The following CFAP69 variants were observed in gnomAD, a reference collection of about 807,000 sequenced individuals.
The protein encoded by CFAP69 is cilia and flagella associated protein 69, also known as cilia- and flagella-associated protein 69.
In CFAP69, 92 loss-of-function variants were observed where a neutral mutation model predicts 123.0. That is an observed-to-expected ratio of 0.75 (90% CI 0.63 to 0.89). CFAP69 has a LOEUF of 0.89. CFAP69 is among the 40% of genes least tolerant of loss of function. The pLI is 0.00. For synonymous variants in CFAP69, 380 were observed against 364.3 expected, an observed-to-expected ratio of 1.04 and a Z score of -0.49; for missense variants, 1,067 against 1,096.9, an observed-to-expected ratio of 0.97 and a Z score of 0.39.
At chr7:90,323,504 T>C in the CFAP69 span, among the ~76,000 whole-genome samples, 1 of 152,150 alleles carries the variant, frequency 6.6e-6, no homozygotes, top group Non-Finnish European at 1.5e-5. Flanking sequence ...TTGTTAAATA[T>C]GTATGGTAAA....
At chr7:90,286,426 C>T (rs1397051907) in intron 14 of CFAP69, 27 bp downstream of exon 14, 13 of 1,605,872 alleles carry the variant, frequency 8.1e-6, no homozygotes, top group Non-Finnish European at 1.1e-5. Context: ...AAGTTTTGTT[C>T]AGGTCTCCCA....
intron 8 of CFAP69, among the ~76,000 whole-genome samples, chr7:90,273,037 A>G (rs1011893754): frequency 1.3e-5 from 2 of 152,232 alleles, no homozygotes; most frequent in South Asian, 4.1e-4. Context: ...AAGGGCAAGT[A>G]GGTCCCAGGA....
rs998314980 is a variant in CFAP69, at chr7:90,271,613, T to C, written c.620T>C (p.Leu207Pro). Reference sequence around the variant, plus strand: ...ACAATGGTCCAGTCAATGACCTTGCTTGAAAATCAACTTGTTGAGAAACTT... The same window carrying C: ...ACAATGGTCCAGTCAATGACCTTGCCTGAAAATCAACTTGTTGAGAAACTT... ...AKTMVQSMTL[L>P]ENQLVEKLWV... Residue 207 changes from leucine to proline, a missense_variant, in exon 7 of 23, where the codon CTT becomes CCT. Transcript: ENST00000389297. 6.2e-7 allele frequency: 1 copy of C among 1,613,606 alleles called. No homozygotes were observed. The highest frequency in any genetic ancestry group is 8.5e-7 in the Non-Finnish European group (1 of 1,179,728).
chr7:90,286,388 A>G lies in CFAP69; in HGVS notation c.1645A>G (p.Ile549Val). ...CCTATCTGGCCTTTGTGAGAATCAC[A>G]TTCAAAGGAAGGTATGTATGCCTGT... ...LILSGLCENH[I>V]QRKEIFGTEG... is the part of the protein sequence containing the mutation. The change falls in exon 14 of 23, where the codon ATT (isoleucine) becomes GTT (valine). Residue 549 changes from isoleucine to valine, a missense_variant. Ile to Val is a conservative substitution (Grantham distance 29). Transcript: ENST00000389297. 6.2e-7 allele frequency: 1 copy of G among 1,611,904 alleles called. No homozygotes were observed. The highest frequency in any genetic ancestry group is 8.5e-7 in the Non-Finnish European group (1 of 1,179,258).
chr7:90,304,495 A>G (rs1793254983), intron 18 of CFAP69: 2 of 1,270,434 alleles, frequency 1.6e-6, no homozygotes, highest in African/African-American at 1.6e-5. Context: ...TTGTCTGACT[A>G]CAACACAGAA....
At chr7:90,303,688 A>T (rs1040490389) in intron 17 of CFAP69, 10 of 995,036 alleles carry the variant, frequency 1.0e-5, no homozygotes, top group East Asian at 8.8e-5. Flanking sequence ...AAAATTTTTT[A>T]AATTATTTAC....
intron 2 of CFAP69, among the ~76,000 whole-genome samples, chr7:90,256,537 A>T (rs1320370329): frequency 6.6e-6 from 1 of 152,136 alleles, no homozygotes; most frequent in African/African-American, 2.4e-5. Flanking sequence ...AAAAAAAAAA[A>T]AATTTTTAAG....
At position 90,304,043 on chromosome 7, in the gene CFAP69, A is replaced by G. The variant is rs771237096; in HGVS notation, c.2125A>G (p.Ile709Val). 34 of 1,551,092 alleles carry G rather than the reference A, an allele frequency of 2.2e-5. No individual in the cohort carries two copies. Among genetic ancestry groups the G allele is most frequent in the Non-Finnish European group, 9.6e-6 (11 of 1,146,734 alleles). The change falls in exon 18 of 23, where the codon ATT becomes GTT. Residue 709 changes from isoleucine (I) to valine (V), a missense_variant. Ile to Val is a conservative substitution (Grantham distance 29, BLOSUM62 3). Coordinates refer to ENST00000389297, the MANE Select transcript of CFAP69 (RefSeq NM_001039706.3). ...IIPLPANCPS[I>V]AVMDVSENIR... ...CCCACTGCCTGCTAACTGCCCATCT[A>G]TTGCGGTTATGGATGTTTCTGAGAA... is the stretch of plus-strand genomic sequence containing the variant.
chr7:90,266,170 G>T (rs1426459927), intron 5 of CFAP69: 1 of 151,862 alleles, frequency 6.6e-6, no homozygotes, highest in Admixed American at 6.5e-5. Context: ...GATTCAACTG[G>T]AATGAAGAAA....
In CFAP69 at chr7:90,303,983, CT is replaced by C. The variant is rs1384355706; in HGVS notation, c.2066del (p.Leu689HisfsTer41). 3.1e-5 allele frequency: 48 copies of C among 1,549,326 alleles called. No individual in the cohort carries two copies. Among genetic ancestry groups the C allele is most frequent in the Non-Finnish European group, 3.7e-5 (42 of 1,145,776 alleles). On this transcript the variant is annotated frameshift_variant, in exon 18 of 23. Coordinates refer to ENST00000389297, the MANE Select transcript of CFAP69 (RefSeq NM_001039706.3). LOFTEE classifies it high-confidence loss of function. ...NGKIIDTKKP[L>X]FTSFQEEQKI... ...CCAATGATTAGATACAAAAAAACCT[CT>C]ATTTACTAGCTTTCAAGAAGAGCAA...
At chr7:90,269,417 A>C (rs1467739727) in intron 6 of CFAP69, among the ~76,000 whole-genome samples, 2 of 152,174 alleles carry the variant, frequency 1.3e-5, no homozygotes, top group African/African-American at 4.8e-5. Flanking sequence ...TTTGGAAAAA[A>C]TGATTCAAAG....
chr7:90,307,919 A>G (rs1404173130), intron 21 of CFAP69, 65 bp downstream of exon 21: 1 of 1,015,506 alleles, frequency 9.8e-7, no homozygotes, highest in Non-Finnish European at 1.5e-6. Context: ...AGACTTTTTC[A>G]GGAACAAATA....
At chr7:90,323,417 A>G in the CFAP69 span, among the ~76,000 whole-genome samples, 1 of 152,208 alleles carries the variant, frequency 6.6e-6, no homozygotes, top group Non-Finnish European at 1.5e-5. Context: ...AGATGTAGAT[A>G]GTAAGTTTAG....
chr7:90,245,725 C>G (rs1796246954), intron 1 of CFAP69, among the ~76,000 whole-genome samples, 181 bp downstream of exon 1: 2 of 152,080 alleles, frequency 1.3e-5, no homozygotes, highest in South Asian at 2.1e-4. Flanking sequence ...CGAACTGCAC[C>G]GGTTGCGAGG....
intron 1 of CFAP69, among the ~76,000 whole-genome samples, chr7:90,246,831 T>A (rs2116482053): frequency 6.6e-6 from 1 of 151,102 alleles, no homozygotes; most frequent in African/African-American, 2.4e-5. Context: ...TTTTTTTTTT[T>A]AGGGAAAAAT....
the CFAP69 span, among the ~76,000 whole-genome samples, chr7:90,320,113 A>G: frequency 1.3e-5 from 2 of 152,216 alleles, no homozygotes; most frequent in Admixed American, 1.3e-4. Flanking sequence ...CAGACTCCTG[A>G]CTGCCTATCC....
intron 12 of CFAP69, among the ~76,000 whole-genome samples, chr7:90,282,340 C>T (rs1276768064): frequency 6.6e-6 from 1 of 152,100 alleles, no homozygotes; most frequent in Non-Finnish European, 1.5e-5. Flanking sequence ...CAGAGCAAGA[C>T]CCTGTCTCTT....
intron 6 of CFAP69, among the ~76,000 whole-genome samples, chr7:90,269,248 G>T (rs991688972): frequency 2.6e-5 from 4 of 151,994 alleles, no homozygotes; most frequent in African/African-American, 9.7e-5. Context: ...GTAGATAAAA[G>T]ATATTGGATA....
chr7:90,280,405 C>A (rs10262748), intron 12 of CFAP69, among the ~76,000 whole-genome samples: 123,265 of 152,162 alleles, frequency 0.81, 50,160 homozygotes, highest in East Asian at 1. Flanking sequence ...CATGTTGCCC[C>A]GGCTGGTCTC....
Sources: allele counts gnomAD v4.1 joint callset (sites outside exome capture counted in the v4.1 genomes callset), GRCh38; gene constraint gnomAD v4.1.1; transcripts MANE v1.5; gene names NCBI Gene and HGNC (gene_info 2026-07-23, HGNC 2026-07-21).